CRK: variants seen among roughly 807,000 people sequenced by gnomAD.
The protein encoded by CRK is CRK proto-oncogene, adaptor protein.
In CRK, 4 loss-of-function variants were observed where a neutral mutation model predicts 29.8. The ratio of observed to expected loss-of-function variants is 0.13; its 90% confidence interval spans 0.07 to 0.31. The LOEUF (loss-of-function observed/expected upper bound fraction) is 0.31, where lower values mean the gene tolerates loss of function less well. Among genes scored for constraint, CRK ranks in the 10% least tolerant of loss-of-function variants. The probability of loss-of-function intolerance (pLI) is 1.00; values close to 1 mark genes in which losing one functional copy is unlikely to be tolerated. For missense variants in CRK, 274 were observed against 396.5 expected, an observed-to-expected ratio of 0.69 and a Z score of 2.62; for synonymous variants, 153 against 164.9, an observed-to-expected ratio of 0.93 and a Z score of 0.55.
chr17:1,451,824 C>CA lies in CRK; in HGVS notation c.241+4052dup, dbSNP rs1345056056. 4.0e-3 allele frequency among the ~76,000 whole-genome samples: 585 copies of CA among 146,652 alleles called. 1 individual carries two copies. The highest frequency in any genetic ancestry group is 6.0e-3 in the Non-Finnish European group (397 of 66,240). ...TGAAACCCCGTGTCTACTAAAAATA[C>CA]AAAAAAAAAAATTAGCTGGGCACAG... On this transcript the variant is annotated intron_variant, in intron 1 of 2. Transcript: ENST00000300574.
At chr17:1,450,283 C>T (rs1476355563) in intron 1 of CRK, among the ~76,000 whole-genome samples, 10 of 151,560 alleles carry the variant, frequency 6.6e-5, no homozygotes, top group African/African-American at 1.7e-4. Context: ...CCAAGGTGGG[C>T]GGATCACGAG....
chr17:1,450,439 G>A (rs1040760825), intron 1 of CRK, among the ~76,000 whole-genome samples: 2 of 152,070 alleles, frequency 1.3e-5, no homozygotes, highest in African/African-American at 4.8e-5. Flanking sequence ...CCCGGCAGGC[G>A]GAGCTTTCAG....
At chr17:1,446,061 C>T (rs1202852007) in intron 1 of CRK, among the ~76,000 whole-genome samples, 2 of 152,098 alleles carry the variant, frequency 1.3e-5, no homozygotes, top group South Asian at 2.1e-4. Context: ...CCGCGCCCAG[C>T]CAGATATTAT....
rs1482037849 is a variant in CRK, at chr17:1,421,842, T to C, written c.*1671A>G. On this transcript the variant is annotated 3_prime_UTR_variant, in exon 3 of 3. Coordinates refer to ENST00000300574, the MANE Select transcript of CRK (RefSeq NM_016823.4). ...TTCCAAAATGAGGTCCAAAGCAAAC[T>C]ATAAGGTGTTTCTATTGGTCATACC... The C allele has an allele frequency of 6.6e-6, 1 of 152,170 alleles. No homozygotes were observed. Among genetic ancestry groups the C allele is most frequent in the Non-Finnish European group, 1.5e-5 (1 of 68,038 alleles). The allele number at this position is 152,170 out of a possible 1,614,324, so 9.4% of individuals were successfully genotyped here.
At position 1,430,876 on chromosome 17, in the gene CRK, G is replaced by A. The variant is rs1008310162; in HGVS notation, c.777+5744C>T. On this transcript the variant is annotated intron_variant, in intron 2 of 2. Transcript: ENST00000300574. ...AGGTCAGCAGATCGAGACCATCCTG[G>A]CTAACACGGTGAAACCCCGTCTCTA... 6.3e-4 allele frequency among the ~76,000 whole-genome samples: 95 copies of A among 151,192 alleles called. 1 individual carries two copies. The highest frequency in any genetic ancestry group is 4.4e-5 in the Non-Finnish European group (3 of 67,792).
chr17:1,442,211 G>GT (rs1471470840), intron 1 of CRK, among the ~76,000 whole-genome samples: 1 of 151,144 alleles, frequency 6.6e-6, no homozygotes, highest in Non-Finnish European at 1.5e-5. Flanking sequence ...CAGGGGTGCA[G>GT]TGGCATAATC....
At position 1,451,750 on chromosome 17, in the gene CRK, G is replaced by T. The variant is rs546361282; in HGVS notation, c.241+4127C>A. 2.6e-5 allele frequency among the ~76,000 whole-genome samples: 4 copies of T among 151,786 alleles called. No homozygotes were observed. The East Asian group carries it at 7.8e-4, about 30-fold the overall frequency. ...AAAACAAAAAACACAAGGCCGAGGT[G>T]GGCGGATCACCTGAGGTCAGGAGTT... is the stretch of plus-strand genomic sequence containing the variant. On this transcript the variant is annotated intron_variant, in intron 1 of 2. Coordinates refer to ENST00000300574, the MANE Select transcript of CRK (RefSeq NM_016823.4).
intron 1 of CRK, among the ~76,000 whole-genome samples, chr17:1,450,918 C>T (rs962510151): frequency 3.4e-5 from 5 of 149,148 alleles, no homozygotes; most frequent in African/African-American, 1.2e-4. Flanking sequence ...ATAGGCCGGG[C>T]GCGGTGGCTC....
At position 1,420,975 on chromosome 17, in the gene CRK, A is replaced by C. The variant is rs958241354; in HGVS notation, c.*2538T>G. The C allele has an allele frequency of 1.3e-5, 2 of 151,726 alleles. No homozygotes were observed. The highest frequency in any genetic ancestry group is 4.9e-5 in the African/African-American group (2 of 41,014). The allele number at this position is 151,726 out of a possible 1,614,324, so 9.4% of individuals were successfully genotyped here. ...AAACAATTCCAACAAATTAATAAGAATTAACCATGTCAAATATTAGTATTC... is the reference window on the plus strand; with the variant it reads ...AAACAATTCCAACAAATTAATAAGACTTAACCATGTCAAATATTAGTATTC... On this transcript the variant is annotated 3_prime_UTR_variant, in exon 3 of 3. Coordinates refer to ENST00000300574, the MANE Select transcript of CRK (RefSeq NM_016823.4).
At chr17:1,455,814 G>A (rs2074051757) in intron 1 of CRK, 63 bp downstream of exon 1, 15 of 1,421,460 alleles carry the variant, frequency 1.1e-5, no homozygotes, top group Admixed American at 2.9e-5. Context: ...GGACCAGCCA[G>A]CCAGGCTGGG....
intron 2 of CRK, among the ~76,000 whole-genome samples, chr17:1,433,506 T>C (rs1395712189): frequency 1.6e-5 from 2 of 128,682 alleles, no homozygotes; most frequent in Non-Finnish European, 3.3e-5. Flanking sequence ...CCACCACGCC[T>C]GGCTTTTTTT....
At chr17:1,448,641 AAG>A (rs1491040179) in intron 1 of CRK, among the ~76,000 whole-genome samples, 4,124 of 45,894 alleles carry the variant, frequency 0.09, 922 homozygotes, top group African/African-American at 0.26. Context: ...AAAAAAAAAA[AAG>A]AAAAAGTGGC....
intron 2 of CRK, among the ~76,000 whole-genome samples, chr17:1,427,093 A>G (rs1429369054): frequency 2.8e-5 from 4 of 140,774 alleles, no homozygotes; most frequent in African/African-American, 7.7e-5. Context: ...TGCCCCAGCC[A>G]GGCTAGGCAA....
chr17:1,441,646 C>T lies in CRK; in HGVS notation c.242-4491G>A, dbSNP rs538251147. Among the ~76,000 whole-genome samples, 4 of 152,104 alleles carry T rather than the reference C, an allele frequency of 2.6e-5. No homozygotes were observed. In the South Asian group the frequency reaches 6.2e-4, roughly 24 times the overall value. On this transcript the variant is annotated intron_variant, in intron 1 of 2. Transcript: ENST00000300574. ...AGCTGGGACTACAGGCCCGCGCCACCACACCCGGCTAATTTTTGTATTTTT... is the reference window on the plus strand; with the variant it reads ...AGCTGGGACTACAGGCCCGCGCCACTACACCCGGCTAATTTTTGTATTTTT...
rs1408768475 is a variant in CRK at position 1,421,381 on chromosome 17, T to C, written c.*2132A>G. On this transcript the variant is annotated 3_prime_UTR_variant, in exon 3 of 3. Coordinates refer to ENST00000300574, the MANE Select transcript of CRK (RefSeq NM_016823.4). ...ATACTTTCAGGAAAACAAGATTTAATGTGTGTGTGGACTTTACAGTATCTA... is the reference window on the plus strand; with the variant it reads ...ATACTTTCAGGAAAACAAGATTTAACGTGTGTGTGGACTTTACAGTATCTA... The C allele has an allele frequency of 2.0e-5, 3 of 152,248 alleles. No individual in the cohort carries two copies. The highest frequency in any genetic ancestry group is 7.2e-5 in the African/African-American group (3 of 41,476). The allele number at this position is 152,248 out of a possible 1,614,324, so 9.4% of individuals were successfully genotyped here.
In CRK at chr17:1,425,069, G is replaced by C. The variant is rs898233805; in HGVS notation, c.778-1419C>G. Among the ~76,000 whole-genome samples, 6 of 151,700 alleles carry C rather than the reference G, an allele frequency of 4.0e-5. No individual in the cohort carries two copies. In the South Asian group the frequency reaches 1.3e-3, roughly 32 times the overall value. ...ATTTATTTATAAAATGTCTCTTGTTGCAAAATGAAATATAAAGGTTTTTTT... is the reference window on the plus strand; with the variant it reads ...ATTTATTTATAAAATGTCTCTTGTTCCAAAATGAAATATAAAGGTTTTTTT... On this transcript the variant is annotated intron_variant, in intron 2 of 2. Transcript: ENST00000300574.
intron 1 of CRK, among the ~76,000 whole-genome samples, chr17:1,445,147 A>C (rs1598303006): frequency 2.7e-5 from 1 of 36,736 alleles, no homozygotes; most frequent in African/African-American, 7.6e-5. Context: ...GACACCGTCA[A>C]AAAAAAAAAA....
intron 2 of CRK, among the ~76,000 whole-genome samples, chr17:1,434,899 T>G (rs1050628847): frequency 2.0e-5 from 3 of 152,172 alleles, no homozygotes; most frequent in Non-Finnish European, 4.4e-5. Flanking sequence ...TAATGAGATT[T>G]GTGTTTCACA....
intron 2 of CRK, among the ~76,000 whole-genome samples, chr17:1,427,125 TG>T (rs2073788000): frequency 7.5e-6 from 1 of 134,226 alleles, no homozygotes; most frequent in African/African-American, 2.8e-5. Flanking sequence ...CTGTGTCTCT[TG>T]AAAAAAAAAA....
Sources: allele counts gnomAD v4.1 joint callset (sites outside exome capture counted in the v4.1 genomes callset), GRCh38; gene constraint gnomAD v4.1.1; transcripts MANE v1.5; gene names NCBI Gene and HGNC (gene_info 2026-07-23, HGNC 2026-07-21).